SLC35F3: variants seen among roughly 807,000 people sequenced by gnomAD.
The protein encoded by SLC35F3 is solute carrier family 35 member F3.
SLC35F3 carries 25 observed loss-of-function variants against 49.9 expected under a neutral mutation model. That is an observed-to-expected ratio of 0.50 (90% CI 0.37 to 0.70). The LOEUF (loss-of-function observed/expected upper bound fraction) is 0.70. SLC35F3 is among the 30% of genes least tolerant of loss of function. The pLI is 0.00. For missense variants in SLC35F3, 525 were observed against 639.8 expected (o/e 0.82, Z 1.94); for synonymous variants, 275 against 265.4 (o/e 1.04, Z -0.35).
At chr1:234,139,997 AAT>A (rs1264229653) in intron 2 of SLC35F3, among the ~76,000 whole-genome samples, 1 of 143,190 alleles carries the variant, frequency 7.0e-6, no homozygotes, top group Non-Finnish European at 1.5e-5. Context: ...AATAAAATAA[AAT>A]AAAGTAAGTG....
chr1:234,201,258 T>C (rs905075667), intron 2 of SLC35F3, among the ~76,000 whole-genome samples: 1 of 152,268 alleles, frequency 6.6e-6, no homozygotes, highest in Non-Finnish European at 1.5e-5. Flanking sequence ...AACTTGGGTT[T>C]ACCTATATCA....
intron 3 of SLC35F3, chr1:234,285,550 T>A: frequency 3.1e-6 from 1 of 320,192 alleles, no homozygotes; most frequent in South Asian, 2.7e-5. Context: ...GAATATGATC[T>A]AAGAGTTGTC....
At chr1:234,053,842 G>A (rs1051125116) in intron 2 of SLC35F3, among the ~76,000 whole-genome samples, 14 of 152,174 alleles carry the variant, frequency 9.2e-5, no homozygotes, top group South Asian at 2.1e-4. Flanking sequence ...GCCTGGTGGT[G>A]ACAGAATCTC....
At chr1:234,195,320 C>T (rs953763573) in intron 2 of SLC35F3, among the ~76,000 whole-genome samples, 1 of 152,190 alleles carries the variant, frequency 6.6e-6, no homozygotes, top group Non-Finnish European at 1.5e-5. Flanking sequence ...TTGCCCTCAT[C>T]TCTCGCCTCA....
intron 2 of SLC35F3, among the ~76,000 whole-genome samples, chr1:234,160,302 T>C (rs1455075375): frequency 6.6e-6 from 1 of 152,158 alleles, no homozygotes; most frequent in Non-Finnish European, 1.5e-5. Context: ...CCAGGAGCCA[T>C]GAAGGACTCA....
intron 2 of SLC35F3, among the ~76,000 whole-genome samples, chr1:233,964,544 A>G (rs962366096): frequency 1.3e-5 from 2 of 152,272 alleles, no homozygotes; most frequent in African/African-American, 4.8e-5. Context: ...GATGGCTTCA[A>G]GAATCCAGTA....
intron 2 of SLC35F3, among the ~76,000 whole-genome samples, chr1:233,934,115 T>C (rs1043590333): frequency 6.6e-6 from 1 of 152,234 alleles, no homozygotes; most frequent in Admixed American, 6.5e-5. Flanking sequence ...AGGATATCAG[T>C]TATTCTTCAA....
chr1:234,264,553 T>C (rs1002597723), intron 3 of SLC35F3, among the ~76,000 whole-genome samples: 1 of 152,196 alleles, frequency 6.6e-6, no homozygotes, highest in African/African-American at 2.4e-5. Flanking sequence ...GTTTTTATTT[T>C]TTCATCTCGT....
chr1:234,299,351 G>A (rs559724173), intron 3 of SLC35F3, among the ~76,000 whole-genome samples: 1 of 152,230 alleles, frequency 6.6e-6, no homozygotes, highest in Admixed American at 6.5e-5. Flanking sequence ...TGAGACCAAC[G>A]AAAGTTCTAT....
chr1:233,951,735 T>TG (rs1162003961), intron 2 of SLC35F3, among the ~76,000 whole-genome samples: 1 of 151,922 alleles, frequency 6.6e-6, no homozygotes, highest in Non-Finnish European at 1.5e-5. Context: ...TGTGTGTGTG[T>TG]TTTGTTTTGT....
chr1:234,288,760 T>C (rs1668462205), intron 3 of SLC35F3, among the ~76,000 whole-genome samples: 1 of 152,218 alleles, frequency 6.6e-6, no homozygotes, highest in South Asian at 2.1e-4. Flanking sequence ...TTCTAGAAGA[T>C]GCATATGGCT....
At chr1:234,071,156 G>A (rs372711045) in intron 2 of SLC35F3, among the ~76,000 whole-genome samples, 4 of 152,200 alleles carry the variant, frequency 2.6e-5, no homozygotes, top group Admixed American at 2.6e-4. Flanking sequence ...AGAGTCTAGG[G>A]ACCTGGCAAG....
intron 2 of SLC35F3, among the ~76,000 whole-genome samples, chr1:234,137,965 G>A (rs1466181009): frequency 6.6e-6 from 1 of 152,038 alleles, no homozygotes; most frequent in Non-Finnish European, 1.5e-5. Flanking sequence ...GATGGTCATT[G>A]TTTCTTTCAG....
At chr1:233,908,486 C>T (rs1156691598) in intron 2 of SLC35F3, among the ~76,000 whole-genome samples, 1 of 148,684 alleles carries the variant, frequency 6.7e-6, no homozygotes, top group Non-Finnish European at 1.5e-5. Context: ...TCAACTCAGT[C>T]ATTTGGATTC....
intron 3 of SLC35F3, among the ~76,000 whole-genome samples, chr1:234,298,224 T>A (rs1668635971): frequency 6.6e-6 from 1 of 152,180 alleles, no homozygotes; most frequent in Non-Finnish European, 1.5e-5. Flanking sequence ...GATTAAGGTA[T>A]GCTGAAAGTG....
chr1:233,950,457 T>TTCC (rs1662585876), intron 2 of SLC35F3, among the ~76,000 whole-genome samples: 3 of 127,314 alleles, frequency 2.4e-5, no homozygotes, highest in Non-Finnish European at 4.8e-5. Flanking sequence ...TCCTTCCTTC[T>TTCC]TTCCTTCCTT....
At chr1:234,279,026 T>C (rs1668261516) in intron 3 of SLC35F3, among the ~76,000 whole-genome samples, 1 of 152,196 alleles carries the variant, frequency 6.6e-6, no homozygotes, top group African/African-American at 2.4e-5. Context: ...CCTGATGACA[T>C]GTGCCCAAGG....
At chr1:233,955,312 C>T (rs1445698082) in intron 2 of SLC35F3, among the ~76,000 whole-genome samples, 1 of 152,120 alleles carries the variant, frequency 6.6e-6, no homozygotes, top group African/African-American at 2.4e-5. Flanking sequence ...TAGAGTAGTT[C>T]AGCAATAAAA....
intron 2 of SLC35F3, among the ~76,000 whole-genome samples, chr1:234,123,219 GTGA>G (rs1665601868): frequency 6.6e-6 from 1 of 152,182 alleles, no homozygotes; most frequent in African/African-American, 2.4e-5. Flanking sequence ...CTAATGATCA[GTGA>G]TGATGAGCTT....
Sources: allele counts gnomAD v4.1 joint callset (sites outside exome capture counted in the v4.1 genomes callset), GRCh38; gene constraint gnomAD v4.1.1; transcripts MANE v1.5; gene names NCBI Gene and HGNC (gene_info 2026-07-23, HGNC 2026-07-21).